Variants in MYO10 observed in about 807,000 individuals in gnomAD.
MYO10 encodes myosin X, also known as unconventional myosin-X.
A neutral mutation model predicts 257.3 loss-of-function variants in MYO10; 133 were observed. The ratio of observed to expected loss-of-function variants is 0.52; its 90% CI spans 0.45 to 0.60. The LOEUF (loss-of-function observed/expected upper bound fraction) is 0.60, where lower values mean the gene tolerates loss of function less well. Among genes scored for constraint, MYO10 ranks in the 20% least tolerant of loss-of-function variants. MYO10 has a pLI of 0.00. For synonymous variants in MYO10, 1,104 were observed against 1,028.6 expected (o/e 1.07, Z -1.40); for missense variants, 2,399 against 2,635.7 (o/e 0.91, Z 1.97).
intron 19 of MYO10, among the ~76,000 whole-genome samples, chr5:16,717,961 C>G (rs1427412686): frequency 1.3e-5 from 2 of 152,160 alleles, no homozygotes; most frequent in Non-Finnish European, 2.9e-5. Flanking sequence ...GGGAGAGGCA[C>G]GAGCGGGAAC....
intron 27 of MYO10, among the ~76,000 whole-genome samples, chr5:16,692,272 T>C (rs1304865340): frequency 1.3e-5 from 2 of 151,808 alleles, no homozygotes; most frequent in African/African-American, 4.8e-5. Context: ...ATACAAAAAT[T>C]AGCCAGGCAT....
chr5:16,828,234 T>C (rs959981412), intron 2 of MYO10, among the ~76,000 whole-genome samples: 2 of 152,052 alleles, frequency 1.3e-5, no homozygotes, highest in African/African-American at 2.4e-5. Context: ...TTTGCTTGAG[T>C]TGCTCCTCTT....
At chr5:16,864,713 C>T (rs868028285) in intron 2 of MYO10, among the ~76,000 whole-genome samples, 2 of 152,096 alleles carry the variant, frequency 1.3e-5, no homozygotes, top group African/African-American at 4.8e-5. Context: ...AACAAGCAGA[C>T]GAGTTTTTTT....
intron 2 of MYO10, among the ~76,000 whole-genome samples, chr5:16,865,811 G>GATAATAATAATAATAATAATAATA (rs5866211): frequency 2.8e-5 from 4 of 142,630 alleles, no homozygotes; most frequent in Admixed American, 7.1e-5. Flanking sequence ...ACTCCGTCTC[G>GATAATAATAATAATAATAATAATA]ATAATAATAA....
At chr5:16,794,860 G>C (rs2126681288) in intron 3 of MYO10, 27 bp from the exon 4 acceptor site, 9 of 1,433,496 alleles carry the variant, frequency 6.3e-6, no homozygotes, top group African/African-American at 1.4e-5. Flanking sequence ...AGACAGGGAT[G>C]CGTCACTTCT....
At chr5:16,674,726 G>C (rs1736642081) in intron 35 of MYO10, 127 bp downstream of exon 35, 1 of 1,097,126 alleles carries the variant, frequency 9.1e-7, no homozygotes. Flanking sequence ...CCACAAGTCT[G>C]ACCCAGAGGT....
At chr5:16,917,793 T>C (rs253384) in intron 1 of MYO10, among the ~76,000 whole-genome samples, 53,264 of 151,882 alleles carry the variant, frequency 0.35, 9,437 homozygotes, top group South Asian at 0.44. Context: ...GAGAATCTCT[T>C]GAGCCCAGGA....
rs250468 is a variant in MYO10, at chr5:16,662,602, G to A, written c.*4090C>T. The A allele has an allele frequency of 0.23, 35,451 of 151,828 alleles. 4,242 individuals carry two copies. The highest frequency in any genetic ancestry group is 0.32 in the Admixed American group (4,906 of 15,236). 9.4% of individuals were successfully genotyped at this position (151,828 alleles called of 1,614,324 possible). Reference sequence around the variant, plus strand: ...CTTCCAACATGCTGGGATTACAGGCGTGAGCCAGCATGCCTGGCTGAAACT... The same window carrying A: ...CTTCCAACATGCTGGGATTACAGGCATGAGCCAGCATGCCTGGCTGAAACT... On this transcript the variant is annotated 3_prime_UTR_variant, in exon 41 of 41. Transcript: ENST00000513610.
At chr5:16,905,402 C>T (rs1430040142) in intron 1 of MYO10, among the ~76,000 whole-genome samples, 1 of 152,146 alleles carries the variant, frequency 6.6e-6, no homozygotes, top group South Asian at 2.1e-4. Context: ...CTGCTCTCAA[C>T]AGAAGAGAGG....
intron 2 of MYO10, among the ~76,000 whole-genome samples, chr5:16,865,265 C>G (rs894515507): frequency 2.8e-4 from 43 of 152,282 alleles, no homozygotes; most frequent in African/African-American, 1.0e-3. Context: ...TGCAACCCAC[C>G]TTCCTCCAGA....
Position 16,875,667 on chromosome 5 carries a change from T to G in MYO10, c.120+1942A>C, listed in dbSNP as rs376507505. On this transcript the variant is annotated intron_variant, in intron 2 of 40. Coordinates refer to ENST00000513610, the MANE Select transcript of MYO10 (RefSeq NM_012334.3). ...AGAAATGAAGGAGTTACAAACACAG[T>G]ATTAACTACAGCTTATCAAATCAAG... 3.5e-4 allele frequency among the ~76,000 whole-genome samples: 54 copies of G among 152,250 alleles called. No individual in the cohort carries two copies. In the East Asian group the frequency reaches 8.9e-3, roughly 25 times the overall value.
At chr5:16,719,932 C>T (rs1458409136) in intron 19 of MYO10, among the ~76,000 whole-genome samples, 1 of 152,022 alleles carries the variant, frequency 6.6e-6, no homozygotes, top group Non-Finnish European at 1.5e-5. Flanking sequence ...CCATTGCACT[C>T]CAGCCTAGGC....
chr5:16,920,573 T>C lies in MYO10; in HGVS notation c.21+15215A>G, dbSNP rs141215343. Reference sequence around the variant, plus strand: ...GGACTGTCATGGAACAGTTCTATATTGTGACTGCTGGTGGTTGTACAAGTC... The same window carrying C: ...GGACTGTCATGGAACAGTTCTATATCGTGACTGCTGGTGGTTGTACAAGTC... On this transcript the variant is annotated intron_variant, in intron 1 of 40. Transcript: ENST00000513610. Among the ~76,000 whole-genome samples, 78 of 152,276 alleles carry C rather than the reference T, an allele frequency of 5.1e-4. 2 individuals carry two copies. The East Asian group carries it at 9.9e-3, about 19-fold the overall frequency.
Position 16,663,343 on chromosome 5 carries a change from T to G in MYO10, c.*3349A>C, listed in dbSNP as rs940137407. 6.5e-5 allele frequency: 5 copies of G among 76,528 alleles called. No homozygotes were observed. Among genetic ancestry groups the G allele is most frequent in the African/African-American group, 1.2e-4 (3 of 24,300 alleles). 4.7% of individuals were successfully genotyped at this position (76,528 alleles called of 1,614,324 possible). ...ACTTCTAGTTGTTTTTTTTTTTTTT[T>G]TTTTTTTTTTTTTTTTTTTTTTTTA... On this transcript the variant is annotated 3_prime_UTR_variant, in exon 41 of 41. Coordinates refer to ENST00000513610, the MANE Select transcript of MYO10 (RefSeq NM_012334.3).
At chr5:16,801,664 A>AT (rs1014285444) in intron 3 of MYO10, among the ~76,000 whole-genome samples, 49 of 152,180 alleles carry the variant, frequency 3.2e-4, no homozygotes, top group African/African-American at 1.1e-3. Flanking sequence ...GGTTTAGACC[A>AT]TATTTCGTAC....
At chr5:16,811,509 C>A (rs1742440401) in intron 3 of MYO10, among the ~76,000 whole-genome samples, 1 of 152,174 alleles carries the variant, frequency 6.6e-6, no homozygotes, top group African/African-American at 2.4e-5. Flanking sequence ...TCTCCATCTT[C>A]ATGTATGGTG....
At chr5:16,744,630 T>C (rs1468669926) in intron 19 of MYO10, among the ~76,000 whole-genome samples, 1 of 151,602 alleles carries the variant, frequency 6.6e-6, no homozygotes, top group African/African-American at 2.4e-5. Flanking sequence ...TGCGGGTAAC[T>C]AAGCAGGCTT....
At chr5:16,802,486 G>A (rs1197451462) in intron 3 of MYO10, among the ~76,000 whole-genome samples, 2 of 151,496 alleles carry the variant, frequency 1.3e-5, no homozygotes, top group Non-Finnish European at 2.9e-5. Flanking sequence ...GTGAAACCCC[G>A]TCTCTACTAA....
intron 2 of MYO10, among the ~76,000 whole-genome samples, chr5:16,856,987 T>C (rs1743977551): frequency 6.6e-6 from 1 of 152,258 alleles, no homozygotes; most frequent in Admixed American, 6.5e-5. Flanking sequence ...TGTATCAGCC[T>C]ATCATGGCAA....
Sources: allele counts gnomAD v4.1 joint callset (sites outside exome capture counted in the v4.1 genomes callset), GRCh38; gene constraint gnomAD v4.1.1; transcripts MANE v1.5; gene names NCBI Gene and HGNC (gene_info 2026-07-23, HGNC 2026-07-21).